PTPN1: variants seen among roughly 807,000 people sequenced by gnomAD.
PTPN1 encodes protein tyrosine phosphatase non-receptor type 1.
In PTPN1, 12 loss-of-function variants were observed where a neutral mutation model predicts 59.9. That is an observed-to-expected ratio of 0.20 (90% confidence interval 0.13 to 0.32). PTPN1 has a LOEUF of 0.32. PTPN1 is among the 10% of genes least tolerant of loss of function. The pLI, the probability that PTPN1 is intolerant of heterozygous loss-of-function variation, is 1.00. For missense variants in PTPN1, 356 were observed against 549.2 expected (o/e 0.65, Z 3.52); for synonymous variants, 178 against 203.6 (o/e 0.87, Z 1.07).
At chr20:50,580,233 C>T (rs1239121235) in intron 8 of PTPN1, among the ~76,000 whole-genome samples, 1 of 152,146 alleles carries the variant, frequency 6.6e-6, no homozygotes, top group Non-Finnish European at 1.5e-5. Context: ...CTGACGACAG[C>T]GCCCTCCCCC....
intron 1 of PTPN1, among the ~76,000 whole-genome samples, chr20:50,528,960 T>C (rs2082589310): frequency 6.6e-6 from 1 of 152,070 alleles, no homozygotes; most frequent in Non-Finnish European, 1.5e-5. Flanking sequence ...TGTGGTGTTT[T>C]CCCCCCATGA....
In PTPN1 at chr20:50,561,533, G is replaced by A. The variant is rs75223039; in HGVS notation, c.154+80G>A. ...TTAGTCAAGACTCCTTTCGCCTCAG[G>A]GTTTAGTATAATAATAAATCAATGT... On this transcript the variant is annotated intron_variant, in intron 2 of 9. Coordinates refer to ENST00000371621, the MANE Select transcript of PTPN1 (RefSeq NM_002827.4). The A allele has an allele frequency of 3.1e-3, 2,633 of 846,714 alleles. 46 individuals are homozygous for A. In the African/African-American group the frequency reaches 0.041, roughly 13 times the overall value. 52.5% of individuals were successfully genotyped at this position (846,714 alleles called of 1,614,324 possible). A position where few individuals can be genotyped will look rare whatever the true frequency, so the allele number is the denominator to read the frequency against.
intron 6 of PTPN1, 88 bp downstream of exon 6, chr20:50,578,717 C>T (rs1353570483): frequency 1.7e-5 from 18 of 1,073,452 alleles, no homozygotes; most frequent in Non-Finnish European, 2.4e-5. Context: ...AAGCGCTCCT[C>T]TTCCAAAATA....
intron 1 of PTPN1, among the ~76,000 whole-genome samples, chr20:50,523,288 G>A (rs538420511): frequency 1.1e-4 from 17 of 152,270 alleles, no homozygotes; most frequent in Middle Eastern, 6.8e-3. Flanking sequence ...GTTAGAGGAC[G>A]TCCAGGGAAG....
intron 3 of PTPN1, among the ~76,000 whole-genome samples, chr20:50,567,002 G>T (rs573582133): frequency 1.3e-5 from 2 of 152,216 alleles, no homozygotes; most frequent in Non-Finnish European, 2.9e-5. Context: ...AGTCCCTTCA[G>T]CACAGGGAGT....
intron 1 of PTPN1, among the ~76,000 whole-genome samples, chr20:50,524,454 TGTGC>T (rs1204473761): frequency 0.01 from 1,556 of 152,166 alleles, 28 homozygotes; most frequent in African/African-American, 0.035. Context: ...ATTGAAAACA[TGTGC>T]CTAGTTCACT....
At chr20:50,511,914 C>T (rs117849647) in intron 1 of PTPN1, among the ~76,000 whole-genome samples, 1,628 of 152,234 alleles carry the variant, frequency 0.011, 12 homozygotes, top group South Asian at 0.016. Flanking sequence ...TTTTGAGCTC[C>T]GCTTAGAAAG....
At chr20:50,518,540 C>T (rs989586859) in intron 1 of PTPN1, among the ~76,000 whole-genome samples, 9 of 152,120 alleles carry the variant, frequency 5.9e-5, no homozygotes, top group African/African-American at 2.2e-4. Flanking sequence ...TTGTGGCTAA[C>T]TTTTGCACAG....
At chr20:50,575,826 C>T (rs996594104) in intron 5 of PTPN1, among the ~76,000 whole-genome samples, 1 of 152,174 alleles carries the variant, frequency 6.6e-6, no homozygotes, top group East Asian at 1.9e-4. Context: ...ACTCAGGAGG[C>T]TGAGGCAGGA....
chr20:50,568,576 G>A lies in PTPN1; in HGVS notation c.354+98G>A. On this transcript the variant is annotated intron_variant, in intron 4 of 9. Transcript: ENST00000371621. The surrounding 1 kb of genome is among the most constrained non-coding windows in gnomAD (Gnocchi z 5.6). Reference sequence around the variant, plus strand: ...TTTTTAAATTATTTTTCTTGCCTTTGTATTTCCTTTACGTAGTATTTTTAT... The same window carrying A: ...TTTTTAAATTATTTTTCTTGCCTTTATATTTCCTTTACGTAGTATTTTTAT... The A allele has an allele frequency of 1.0e-6, 1 of 995,272 alleles. No homozygotes were observed. The highest frequency in any genetic ancestry group is 1.6e-6 in the Non-Finnish European group (1 of 643,418). The allele number at this position is 995,272 out of a possible 1,614,324, so 61.7% of individuals were successfully genotyped here.
At chr20:50,579,570 C>T (rs1195906762) in intron 7 of PTPN1, 133 bp from the exon 8 acceptor site, 3 of 923,538 alleles carry the variant, frequency 3.2e-6, no homozygotes, top group Non-Finnish European at 3.4e-6. Flanking sequence ...ATTTCATCTT[C>T]CAAGTACATG....
intron 4 of PTPN1, chr20:50,572,338 T>C (rs937054115): frequency 9.9e-5 from 15 of 152,216 alleles, no homozygotes; most frequent in Non-Finnish European, 2.2e-4. Flanking sequence ...TTTAAAAATT[T>C]TGTGTGTTTA....
intron 1 of PTPN1, among the ~76,000 whole-genome samples, chr20:50,537,136 A>G (rs1182811592): frequency 2.0e-5 from 3 of 152,192 alleles, no homozygotes; most frequent in Admixed American, 1.3e-4. Flanking sequence ...CAGACTGGCC[A>G]ACATGGCGAA....
chr20:50,568,588 C>A lies in PTPN1; in HGVS notation c.354+110C>A. On this transcript the variant is annotated intron_variant, in intron 4 of 9. Transcript: ENST00000371621. The surrounding 1 kb of genome is among the most constrained non-coding windows in gnomAD (Gnocchi z 5.6). ...TTTTCTTGCCTTTGTATTTCCTTTA[C>A]GTAGTATTTTTATTTAAAAAAATTA... The A allele has an allele frequency of 1.2e-6, 1 of 848,198 alleles. No homozygotes were observed. The highest frequency in any genetic ancestry group is 1.6e-5 in the South Asian group (1 of 62,312). 52.5% of individuals were successfully genotyped at this position (848,198 alleles called of 1,614,324 possible).
At chr20:50,572,280 C>T (rs2082813873) in intron 4 of PTPN1, 1 of 152,152 alleles carries the variant, frequency 6.6e-6, no homozygotes, top group Non-Finnish European at 1.5e-5. Flanking sequence ...CTTTTCATGG[C>T]CGTATATATC....
At chr20:50,540,444 C>G (rs2082646438) in intron 1 of PTPN1, among the ~76,000 whole-genome samples, 1 of 152,202 alleles carries the variant, frequency 6.6e-6, no homozygotes, top group Non-Finnish European at 1.5e-5. Context: ...AAACAACCAG[C>G]TCTTACATGA....
Position 50,579,272 on chromosome 20 carries a change from C to T in PTPN1, c.807C>T (p.Phe269=), listed in dbSNP as rs11575938. 2 of 1,614,254 alleles carry T rather than the reference C, an allele frequency of 1.2e-6. No homozygotes were observed. Among genetic ancestry groups the T allele is most frequent in the Non-Finnish European group, 1.7e-6 (2 of 1,180,046 alleles). ...TCCAGACAGCCGACCAGCTGCGCTT[C>T]TCCTACCTGGCTGTGATCGAAGGTG... is the stretch of plus-strand genomic sequence containing the variant. ...GLIQTADQLR[F]SYLAVIEGAK... is the part of the protein sequence containing the mutation. Residue 269 remains phenylalanine, a synonymous_variant, in exon 7 of 10, where the codon TTC becomes TTT. Transcript: ENST00000371621.
At chr20:50,559,581 G>A (rs2082742353) in intron 1 of PTPN1, among the ~76,000 whole-genome samples, 1 of 152,068 alleles carries the variant, frequency 6.6e-6, no homozygotes, top group South Asian at 2.1e-4. Context: ...AGGTTTTCTT[G>A]AATTACTTCT....
intron 1 of PTPN1, among the ~76,000 whole-genome samples, chr20:50,559,009 T>C (rs1601406287): frequency 6.6e-6 from 1 of 151,646 alleles, no homozygotes; most frequent in African/African-American, 2.4e-5. Flanking sequence ...ATAAAGGTAT[T>C]GAGACCTTAC....
Sources: allele counts gnomAD v4.1 joint callset (sites outside exome capture counted in the v4.1 genomes callset), GRCh38; gene constraint gnomAD v4.1.1; non-coding constraint Gnocchi (gnomAD v3.1); transcripts MANE v1.5; gene names NCBI Gene and HGNC (gene_info 2026-07-23, HGNC 2026-07-21).